Variants in ARID1B observed in about 807,000 individuals in gnomAD.
ARID1B encodes AT-rich interaction domain 1B, also known as AT-rich interactive domain-containing protein 1B.
In ARID1B, 30 loss-of-function variants were observed where a neutral mutation model predicts 212.3. The observed-to-expected ratio is 0.14, with a 90% confidence interval of 0.11 to 0.19. The LOEUF (loss-of-function observed/expected upper bound fraction) is 0.19. Among genes scored for constraint, ARID1B ranks in the 10% least tolerant of loss-of-function variants. ARID1B has a pLI of 1.00. For synonymous variants in ARID1B, 1,402 were observed against 1,301.7 expected (o/e 1.08, Z -1.66); for missense variants, 2,891 against 3,204.0 (o/e 0.90, Z 2.36).
intron 3 of ARID1B, among the ~76,000 whole-genome samples, chr6:156,925,618 A>G (rs76563289): frequency 6.4e-4 from 98 of 152,358 alleles, no homozygotes; most frequent in African/African-American, 2.2e-3. Context: ...CATTAATAAT[A>G]TATATAGTTT....
At chr6:156,876,762 A>G (rs899836054) in intron 2 of ARID1B, among the ~76,000 whole-genome samples, 2 of 152,220 alleles carry the variant, frequency 1.3e-5, no homozygotes, top group South Asian at 2.1e-4. Flanking sequence ...CCCCTCAACC[A>G]GTGTATCTGC....
At chr6:157,172,153 A>G (rs1361228820) in intron 9 of ARID1B, among the ~76,000 whole-genome samples, 3 of 152,096 alleles carry the variant, frequency 2.0e-5, no homozygotes, top group East Asian at 1.9e-4. Context: ...TTATCCTTCT[A>G]TTCTTCTGAA....
intron 4 of ARID1B, among the ~76,000 whole-genome samples, chr6:157,083,598 C>A (rs1010430703): frequency 3.3e-5 from 5 of 152,158 alleles, no homozygotes; most frequent in Admixed American, 1.3e-4. Context: ...ACGTAACCTT[C>A]AACAGTAACT....
chr6:156,855,038 G>A (rs1408104860), intron 2 of ARID1B, among the ~76,000 whole-genome samples: 3 of 152,074 alleles, frequency 2.0e-5, no homozygotes, highest in Non-Finnish European at 2.9e-5. Context: ...GTTGGGATGG[G>A]TGCTTATCAT....
chr6:156,877,183 T>A (rs1430610189), intron 2 of ARID1B, among the ~76,000 whole-genome samples: 1 of 152,232 alleles, frequency 6.6e-6, no homozygotes, highest in Admixed American at 6.5e-5. Context: ...GAAAATCTGA[T>A]ATGTTATTCT....
intron 4 of ARID1B, among the ~76,000 whole-genome samples, chr6:157,005,076 C>CTAAT (rs1779163237): frequency 6.6e-6 from 1 of 151,712 alleles, no homozygotes; most frequent in African/African-American, 2.4e-5. Flanking sequence ...CCACGCCTGG[C>CTAAT]TAATTTTTTG....
rs1554264583 is a variant in ARID1B, at chr6:156,897,218, G to GCTGCTGCTGCTTCTTCTT, written c.1987-4156_1987-4155insGCTGCTGCTTCTTCTTCT. Among the ~76,000 whole-genome samples the GCTGCTGCTGCTTCTTCTT allele has an allele frequency of 7.7e-5, 7 of 91,368 alleles. No homozygotes were observed. The East Asian group carries it at 1.5e-3, about 19-fold the overall frequency. 59.9% of individuals were successfully genotyped at this position (91,368 alleles called of 152,430 possible). On this transcript the variant is annotated intron_variant, in intron 2 of 19. Coordinates refer to ENST00000636930, the MANE Select transcript of ARID1B (RefSeq NM_001374828.1). ...TGCTGCTGCTGCTGCTGCTGCTGCT[G>GCTGCTGCTGCTTCTTCTT]CTTCTTCTTCTTCTTCTTCTTCTTC...
At chr6:156,929,760 G>C (rs549726820) in intron 3 of ARID1B, among the ~76,000 whole-genome samples, 1 of 152,156 alleles carries the variant, frequency 6.6e-6, no homozygotes, top group Non-Finnish European at 1.5e-5. Context: ...TTTCTGACCT[G>C]ACGCTCTTTG....
At chr6:156,940,850 C>T in intron 4 of ARID1B, 1 of 152,190 alleles carries the variant, frequency 6.6e-6, no homozygotes, top group East Asian at 1.9e-4. Context: ...CTCAGTCCAA[C>T]CCAGCTAGAA....
intron 19 of ARID1B, chr6:157,205,204 G>A (rs974763683): frequency 1.3e-5 from 2 of 152,238 alleles, no homozygotes; most frequent in African/African-American, 4.8e-5. Flanking sequence ...GTTCTTTCTA[G>A]TTGGTGCTGG....
At chr6:156,951,600 C>T (rs112145820) in intron 4 of ARID1B, among the ~76,000 whole-genome samples, 75 of 152,062 alleles carry the variant, frequency 4.9e-4, no homozygotes, top group African/African-American at 1.8e-3. Flanking sequence ...CCCGCCACCA[C>T]GCCCAACTAA....
At chr6:156,813,103 T>C (rs1781715790) in intron 1 of ARID1B, among the ~76,000 whole-genome samples, 1 of 125,376 alleles carries the variant, frequency 8.0e-6, no homozygotes, top group Non-Finnish European at 1.6e-5. Context: ...CATACATATA[T>C]ATATATTTTT....
At chr6:157,202,765 A>G (rs1260343621) in intron 18 of ARID1B, among the ~76,000 whole-genome samples, 1 of 150,354 alleles carries the variant, frequency 6.7e-6, no homozygotes, top group East Asian at 1.9e-4. Context: ...AGATATATAG[A>G]TATATATAGA....
At chr6:157,136,854 C>T (rs985642260) in intron 7 of ARID1B, among the ~76,000 whole-genome samples, 1 of 151,842 alleles carries the variant, frequency 6.6e-6, no homozygotes, top group Non-Finnish European at 1.5e-5. Context: ...AGAGTGAGAC[C>T]CTGTCTTTAA....
intron 6 of ARID1B, among the ~76,000 whole-genome samples, chr6:157,129,566 A>T (rs535363222): frequency 6.6e-6 from 1 of 152,230 alleles, no homozygotes; most frequent in African/African-American, 2.4e-5. Flanking sequence ...ATTTCTATGT[A>T]AGGAGGTAGA....
At chr6:157,173,785 C>T (rs532368981) in intron 9 of ARID1B, 1 of 456,804 alleles carries the variant, frequency 2.2e-6, no homozygotes, top group Non-Finnish European at 3.9e-6. Flanking sequence ...CTTAAGCACA[C>T]AGAATGACTG....
intron 6 of ARID1B, among the ~76,000 whole-genome samples, chr6:157,121,180 G>A (rs141629847): frequency 1.6e-3 from 245 of 152,158 alleles, no homozygotes; most frequent in African/African-American, 5.7e-3. Context: ...ATTTGACTTT[G>A]TTTCTAACTC....
intron 2 of ARID1B, among the ~76,000 whole-genome samples, chr6:156,891,700 A>G (rs1297475673): frequency 6.6e-6 from 1 of 152,038 alleles, no homozygotes; most frequent in East Asian, 1.9e-4. Flanking sequence ...ATGGCTCTAT[A>G]GTATTTTATT....
At chr6:156,896,080 T>C (rs1788361212) in intron 2 of ARID1B, among the ~76,000 whole-genome samples, 1 of 151,900 alleles carries the variant, frequency 6.6e-6, no homozygotes, top group Non-Finnish European at 1.5e-5. Flanking sequence ...GTAGATTTAA[T>C]TGTGTGCCTA....
Sources: allele counts gnomAD v4.1 joint callset (sites outside exome capture counted in the v4.1 genomes callset), GRCh38; gene constraint gnomAD v4.1.1; transcripts MANE v1.5; gene names NCBI Gene and HGNC (gene_info 2026-07-23, HGNC 2026-07-21).